The following CTNNA2 variants were observed in gnomAD, a reference collection of about 807,000 sequenced individuals.
CTNNA2 encodes the protein catenin alpha-2.
Under a neutral mutation model 101.0 loss-of-function variants are expected in CTNNA2, and 42 were observed. The observed-to-expected ratio is 0.42, with a 90% CI of 0.32 to 0.54. CTNNA2 has a LOEUF of 0.54. Ranked by LOEUF, CTNNA2 falls within the 20% of genes least tolerant of loss-of-function variation. CTNNA2 has a pLI of 0.14. For missense variants in CTNNA2, 871 were observed against 1,223.1 expected (o/e 0.71, Z 4.29); for synonymous variants, 450 against 456.4 (o/e 0.99, Z 0.18).
chr2:79,964,828 A>C (rs1446105256), intron 7 of CTNNA2, among the ~76,000 whole-genome samples: 4 of 151,998 alleles, frequency 2.6e-5, no homozygotes, highest in Admixed American at 2.6e-4. Flanking sequence ...AAAAGGTGGG[A>C]ATTAGATGTG....
At chr2:79,335,962 C>T (rs1469918166) in intron 3 of CTNNA2, among the ~76,000 whole-genome samples, 2 of 152,082 alleles carry the variant, frequency 1.3e-5, no homozygotes, top group Admixed American at 6.6e-5. Flanking sequence ...AAACAATGAA[C>T]GAGAAAGTCA....
At position 79,371,106 on chromosome 2, in the gene CTNNA2, G is replaced by A. The variant is rs543644461; in HGVS notation, c.-317-2725G>A. On this transcript the variant is annotated intron_variant, in intron 3 of 21. Transcript: ENST00000466387. ...ACTCCCCTTAGGAGGCCTGGAAGCC[G>A]AATAACTTCTAGCATGGTTCTGGCA... 4.0e-5 allele frequency among the ~76,000 whole-genome samples: 6 copies of A among 150,608 alleles called. No individual in the cohort carries two copies. The South Asian group carries it at 8.5e-4, about 21-fold the overall frequency.
At chr2:79,263,729 C>T (rs1426425643) in intron 2 of CTNNA2, among the ~76,000 whole-genome samples, 2 of 152,072 alleles carry the variant, frequency 1.3e-5, no homozygotes, top group African/African-American at 2.4e-5. Flanking sequence ...AAAGGGAGCT[C>T]GGCTCCTTCT....
intron 2 of CTNNA2, among the ~76,000 whole-genome samples, chr2:79,225,031 A>G (rs1455437986): frequency 6.6e-6 from 1 of 152,082 alleles, no homozygotes; most frequent in African/African-American, 2.4e-5. Context: ...ATATGTGGTG[A>G]ATAACCAAGC....
At chr2:80,065,097 A>G (rs1697885143) in intron 7 of CTNNA2, among the ~76,000 whole-genome samples, 1 of 152,208 alleles carries the variant, frequency 6.6e-6, no homozygotes, top group African/African-American at 2.4e-5. Flanking sequence ...GTAAGAGGTC[A>G]GTGGACTTAT....
intron 7 of CTNNA2, among the ~76,000 whole-genome samples, chr2:80,278,557 T>C (rs904353659): frequency 1.3e-5 from 2 of 152,076 alleles, no homozygotes; most frequent in African/African-American, 4.8e-5. Context: ...CCAGAAGGCA[T>C]ATCCTGCTGC....
At chr2:80,572,058 A>C (rs1318542218) in intron 12 of CTNNA2, among the ~76,000 whole-genome samples, 1 of 152,070 alleles carries the variant, frequency 6.6e-6, no homozygotes, top group Non-Finnish European at 1.5e-5. Flanking sequence ...AATCACAGGG[A>C]GTGGATTTTA....
At chr2:79,625,684 C>CA (rs1679260573) in intron 1 of CTNNA2, among the ~76,000 whole-genome samples, 1 of 152,122 alleles carries the variant, frequency 6.6e-6, no homozygotes, top group Non-Finnish European at 1.5e-5. Context: ...AGGAACTAGA[C>CA]AGACTCCAGG....
rs1311863363 is a variant in CTNNA2, at chr2:80,625,035, A to G, written c.2574+5807A>G. On this transcript the variant is annotated intron_variant, in intron 18 of 18. Coordinates refer to ENST00000402739, the MANE Select transcript of CTNNA2 (RefSeq NM_001282597.3). ...ACCTCAAGGCCTATTCTTTTACCTAAATAAATGCCAAGCAGAGAACAGCAA... is the reference window on the plus strand; with the variant it reads ...ACCTCAAGGCCTATTCTTTTACCTAGATAAATGCCAAGCAGAGAACAGCAA... Among the ~76,000 whole-genome samples, 3 of 151,926 alleles carry G rather than the reference A, an allele frequency of 2.0e-5. No homozygotes were observed. The East Asian group carries it at 5.8e-4, about 30-fold the overall frequency.
At chr2:80,229,367 T>C (rs1456338192) in intron 7 of CTNNA2, among the ~76,000 whole-genome samples, 3 of 152,110 alleles carry the variant, frequency 2.0e-5, no homozygotes, top group Admixed American at 6.6e-5. Context: ...TGATTGACTG[T>C]CTATCAGAGG....
intron 1 of CTNNA2, among the ~76,000 whole-genome samples, chr2:79,556,768 T>C (rs1209651833): frequency 6.6e-6 from 1 of 152,024 alleles, no homozygotes; most frequent in African/African-American, 2.4e-5. Context: ...ATGTAACCTC[T>C]TCGAGTCTCA....
intron 2 of CTNNA2, among the ~76,000 whole-genome samples, chr2:79,701,760 G>A (rs1009118055): frequency 4.6e-5 from 7 of 152,076 alleles, no homozygotes; most frequent in Admixed American, 3.3e-4. Flanking sequence ...CCAGCACTTT[G>A]GAAGGCTGAG....
At chr2:79,258,510 TC>T (rs1287514247) in intron 2 of CTNNA2, among the ~76,000 whole-genome samples, 1 of 152,192 alleles carries the variant, frequency 6.6e-6, no homozygotes, top group Non-Finnish European at 1.5e-5. Context: ...TATCTGTATG[TC>T]CTTCACCAGA....
intron 4 of CTNNA2, among the ~76,000 whole-genome samples, chr2:79,395,468 A>G (rs1678220066): frequency 6.6e-6 from 1 of 151,170 alleles, no homozygotes; most frequent in East Asian, 2.0e-4. Context: ...TTCAATTCCC[A>G]CCTATGAGTG....
At chr2:80,511,858 G>A (rs1688726597) in intron 9 of CTNNA2, among the ~76,000 whole-genome samples, 1 of 151,952 alleles carries the variant, frequency 6.6e-6, no homozygotes, top group Admixed American at 6.6e-5. Flanking sequence ...TTCGTTAAAA[G>A]TATGTAGGAG....
intron 1 of CTNNA2, among the ~76,000 whole-genome samples, chr2:79,196,433 A>T (rs578239168): frequency 6.6e-6 from 1 of 152,294 alleles, no homozygotes; most frequent in South Asian, 2.1e-4. Flanking sequence ...CATATAAATC[A>T]GTGTTGTTTT....
At chr2:80,379,077 TG>T (rs1676265034) in intron 7 of CTNNA2, among the ~76,000 whole-genome samples, 1 of 152,108 alleles carries the variant, frequency 6.6e-6, no homozygotes, top group South Asian at 2.1e-4. Context: ...ACGGAAAGGT[TG>T]GGATCATAGA....
chr2:80,537,882 C>T (rs1691182234), intron 9 of CTNNA2, among the ~76,000 whole-genome samples: 1 of 152,122 alleles, frequency 6.6e-6, no homozygotes, highest in South Asian at 2.1e-4. Flanking sequence ...CATGAGCCAC[C>T]ACACCCGCCC....
intron 3 of CTNNA2, among the ~76,000 whole-genome samples, chr2:79,810,407 T>A (rs116743478): frequency 0.018 from 2,774 of 152,152 alleles, 67 homozygotes; most frequent in African/African-American, 0.062. Context: ...GCCCCATGAT[T>A]CATTTATCTC....
Sources: allele counts gnomAD v4.1 joint callset (sites outside exome capture counted in the v4.1 genomes callset), GRCh38; gene constraint gnomAD v4.1.1; transcripts MANE v1.5; gene names NCBI Gene and HGNC (gene_info 2026-07-23, HGNC 2026-07-21).